POLN: variants seen among roughly 807,000 people sequenced by gnomAD.
The protein encoded by POLN is DNA polymerase nu.
Under a neutral mutation model 113.5 loss-of-function variants are expected in POLN, and 108 were observed. The ratio of observed to expected loss-of-function variants is 0.95; its 90% CI spans 0.81 to 1.12. The LOEUF (loss-of-function observed/expected upper bound fraction) is 1.12, where lower values mean the gene tolerates loss of function less well. POLN is among the 50% of genes most tolerant of loss of function. The pLI is 0.00. For missense variants in POLN, 1,097 were observed against 1,077.1 expected (o/e 1.02, Z -0.26); for synonymous variants, 386 against 391.5 (o/e 0.99, Z 0.17).
chr4:2,204,040 C>T lies in POLN; in HGVS notation c.714+3947G>A, dbSNP rs563548840. On this transcript the variant is annotated intron_variant, in intron 5 of 25. Transcript: ENST00000511885. ...AGGAGAATCACTTGAACCCGGGAGG[C>T]GGAGGTTGCAGTGAGCTGAGATCGC... is the stretch of plus-strand genomic sequence containing the variant. Among the ~76,000 whole-genome samples the T allele has an allele frequency of 4.7e-5, 6 of 127,926 alleles. No individual in the cohort carries two copies. The South Asian group carries it at 1.4e-3, about 29-fold the overall frequency. 83.9% of individuals were successfully genotyped at this position (127,926 alleles called of 152,430 possible). A position where few individuals can be genotyped will look rare whatever the true frequency, so the allele number is the denominator to read the frequency against.
chr4:2,212,038 A>T (rs892354776), intron 4 of POLN, among the ~76,000 whole-genome samples: 2 of 152,096 alleles, frequency 1.3e-5, no homozygotes, highest in East Asian at 3.9e-4. Flanking sequence ...AGGGGCAAAT[A>T]ATCATCCCAT....
chr4:2,081,150 C>G (rs1221837021), intron 22 of POLN, 114 bp from the exon 23 acceptor site: 3 of 1,598,818 alleles, frequency 1.9e-6, no homozygotes, highest in African/African-American at 2.7e-5. Flanking sequence ...GGTGCTGGCT[C>G]TGAGCTGTCT....
intron 21 of POLN, 27 bp downstream of exon 21, chr4:2,085,586 A>G: frequency 6.2e-7 from 1 of 1,612,798 alleles, no homozygotes; most frequent in South Asian, 1.1e-5. Flanking sequence ...GGCAGGGAGC[A>G]GGGAGCTCTG....
chr4:2,138,946 T>A (rs1371088800), intron 16 of POLN, among the ~76,000 whole-genome samples: 1 of 151,728 alleles, frequency 6.6e-6, no homozygotes, highest in Non-Finnish European at 1.5e-5. Context: ...GTGCCTTTTT[T>A]TTTTTTCCTG....
chr4:2,209,802 C>G (rs867897351), intron 4 of POLN, among the ~76,000 whole-genome samples: 1 of 150,594 alleles, frequency 6.6e-6, no homozygotes. Context: ...GCTGTGACTA[C>G]AGGGGTTCAC....
chr4:2,128,135 A>G lies in POLN; in HGVS notation c.1960T>C (p.Phe654Leu). 1 of 1,605,346 alleles carries G rather than the reference A, an allele frequency of 6.2e-7. No homozygotes were observed. Among genetic ancestry groups the G allele is most frequent in the Non-Finnish European group, 8.5e-7 (1 of 1,172,136 alleles). Residue 654 changes from phenylalanine to leucine, a missense_variant, in exon 19 of 26, where the codon TTT (phenylalanine) becomes CTT (leucine). Transcript: ENST00000511885. Reference protein sequence around the residue: ...LFQESERDDVFSTLTSQWKDV... With the variant: ...LFQESERDDVLSTLTSQWKDV... ...TACCACTGTGAAGTCAGAGTAGAAA[A>G]TACATCATCTCTTTCAGATTCCTGG...
At chr4:2,179,969 C>T (rs144860194) in intron 7 of POLN, among the ~76,000 whole-genome samples, 41 of 152,326 alleles carry the variant, frequency 2.7e-4, no homozygotes, top group African/African-American at 9.6e-4. Flanking sequence ...ACACGACACC[C>T]TCGTCACTGA....
intron 19 of POLN, among the ~76,000 whole-genome samples, chr4:2,096,657 TG>T (rs1325566981): frequency 7.2e-6 from 1 of 139,558 alleles, no homozygotes; most frequent in East Asian, 2.1e-4. Flanking sequence ...CCTGATGGAG[TG>T]GGCATCTCAG....
chr4:2,165,401 G>C (rs367603772), intron 13 of POLN, among the ~76,000 whole-genome samples: 1 of 152,336 alleles, frequency 6.6e-6, no homozygotes, highest in East Asian at 1.9e-4. Context: ...AAAAAGCACA[G>C]TGGCTGTCAG....
intron 19 of POLN, among the ~76,000 whole-genome samples, chr4:2,119,488 T>TC (rs1165002002): frequency 1.3e-5 from 2 of 152,150 alleles, no homozygotes; most frequent in Non-Finnish European, 2.9e-5. Context: ...TGATGTGCAT[T>TC]CCCTGGGCAA....
intron 20 of POLN, among the ~76,000 whole-genome samples, chr4:2,092,066 C>G (rs1730679988): frequency 1.3e-5 from 2 of 152,218 alleles, no homozygotes; most frequent in Non-Finnish European, 2.9e-5. Context: ...TCTCCCAACT[C>G]TCCCTGGGCT....
At chr4:2,241,227 T>C in intron 2 of POLN, 1 of 329,964 alleles carries the variant, frequency 3.0e-6, no homozygotes. Context: ...TGTTTGATGA[T>C]GATAAAGAGA....
chr4:2,166,316 A>G (rs1030434046), intron 13 of POLN, among the ~76,000 whole-genome samples: 2 of 152,174 alleles, frequency 1.3e-5, no homozygotes, highest in African/African-American at 4.8e-5. Context: ...TATTCCTTGC[A>G]TAGGCACTTC....
chr4:2,106,514 C>G (rs1731071001), intron 19 of POLN, among the ~76,000 whole-genome samples: 1 of 152,144 alleles, frequency 6.6e-6, no homozygotes, highest in Non-Finnish European at 1.5e-5. Context: ...GAATGCCTAA[C>G]CCATATAAAT....
intron 3 of POLN, among the ~76,000 whole-genome samples, chr4:2,226,150 G>C (rs1317415519): frequency 2.0e-5 from 3 of 151,330 alleles, no homozygotes; most frequent in Non-Finnish European, 2.9e-5. Context: ...GGTTGGAGAA[G>C]AATCATTTCA....
At chr4:2,101,695 G>A (rs527868568) in intron 19 of POLN, among the ~76,000 whole-genome samples, 3 of 152,374 alleles carry the variant, frequency 2.0e-5, no homozygotes, top group South Asian at 4.1e-4. Context: ...AAACAATGGC[G>A]TTAGGCCTAG....
At chr4:2,171,331 T>A in intron 11 of POLN, 150 bp from the exon 12 acceptor site, 3 of 582,580 alleles carry the variant, frequency 5.1e-6, no homozygotes, top group Non-Finnish European at 8.8e-6. Context: ...GGCAGGAGGA[T>A]CACTTGAGAC....
chr4:2,141,623 G>A (rs1732003838), intron 16 of POLN, among the ~76,000 whole-genome samples: 1 of 152,194 alleles, frequency 6.6e-6, no homozygotes, highest in African/African-American at 2.4e-5. Context: ...TGCTGGCTCT[G>A]GCGACACTGT....
chr4:2,155,562 G>A (rs979508882), intron 16 of POLN, among the ~76,000 whole-genome samples: 14 of 152,140 alleles, frequency 9.2e-5, no homozygotes, highest in Non-Finnish European at 2.1e-4. Flanking sequence ...CCTTAATGGA[G>A]GGAACCCACG....
Sources: allele counts gnomAD v4.1 joint callset (sites outside exome capture counted in the v4.1 genomes callset), GRCh38; gene constraint gnomAD v4.1.1; transcripts MANE v1.5; gene names NCBI Gene and HGNC (gene_info 2026-07-23, HGNC 2026-07-21).